Variants in EPHB1 observed in about 807,000 individuals in gnomAD.
EPHB1 encodes ephrin type-B receptor 1.
A neutral mutation model predicts 94.4 loss-of-function variants in EPHB1; 30 were observed. The ratio of observed to expected loss-of-function variants is 0.32; its 90% CI spans 0.24 to 0.43. The LOEUF is 0.43. EPHB1 is among the 20% of genes least tolerant of loss of function. EPHB1 has a pLI of 1.00. For missense variants in EPHB1, 1,055 were observed against 1,308.3 expected, an observed-to-expected ratio of 0.81 and a Z score of 2.99; for synonymous variants, 522 against 489.1, an observed-to-expected ratio of 1.07 and a Z score of -0.89.
At chr3:135,202,090 G>T (rs1317475919) in intron 12 of EPHB1, among the ~76,000 whole-genome samples, 2 of 152,130 alleles carry the variant, frequency 1.3e-5, no homozygotes, top group East Asian at 3.9e-4. Context: ...TCACTAGGTA[G>T]ACTCTTGATC....
At chr3:135,039,681 C>G (rs759972452) in intron 3 of EPHB1, among the ~76,000 whole-genome samples, 117 of 152,232 alleles carry the variant, frequency 7.7e-4, no homozygotes, top group African/African-American at 2.7e-3. Flanking sequence ...GCTGCTAAGT[C>G]CCCCCTTGCT....
chr3:135,027,541 A>T (rs1488155819), intron 3 of EPHB1, among the ~76,000 whole-genome samples: 4 of 149,982 alleles, frequency 2.7e-5, no homozygotes, highest in African/African-American at 9.8e-5. Context: ...ATATTGAACC[A>T]GCCTTGCATC....
intron 3 of EPHB1, among the ~76,000 whole-genome samples, chr3:135,090,254 G>A (rs916390011): frequency 6.6e-6 from 1 of 152,198 alleles, no homozygotes; most frequent in African/African-American, 2.4e-5. Context: ...CAAAAGGAGG[G>A]TGTCCTCCCT....
intron 6 of EPHB1, among the ~76,000 whole-genome samples, chr3:135,157,144 C>T (rs985572450): frequency 6.6e-6 from 1 of 152,188 alleles, no homozygotes; most frequent in Non-Finnish European, 1.5e-5. Context: ...AAACCTTGTC[C>T]AGAGTCCCAC....
At chr3:134,908,514 C>T (rs1456636201) in intron 1 of EPHB1, among the ~76,000 whole-genome samples, 1 of 152,218 alleles carries the variant, frequency 6.6e-6, no homozygotes, top group Non-Finnish European at 1.5e-5. Flanking sequence ...TTTGTGAGTT[C>T]CCAAGTGAAC....
intron 1 of EPHB1, among the ~76,000 whole-genome samples, chr3:134,813,461 GA>G (rs1398239129): frequency 6.6e-6 from 1 of 152,162 alleles, no homozygotes; most frequent in East Asian, 1.9e-4. Flanking sequence ...TTCTTTTAGA[GA>G]AGAAAAGTAT....
intron 1 of EPHB1, among the ~76,000 whole-genome samples, chr3:134,855,599 C>G (rs1312240136): frequency 6.6e-6 from 1 of 152,200 alleles, no homozygotes; most frequent in Non-Finnish European, 1.5e-5. Context: ...CTGGTGCAGA[C>G]TGAGCCATAA....
chr3:135,231,306 G>C (rs899369337), intron 12 of EPHB1, among the ~76,000 whole-genome samples: 3 of 152,188 alleles, frequency 2.0e-5, no homozygotes, highest in African/African-American at 7.2e-5. Flanking sequence ...GGTGTGGATA[G>C]TAAAAGAGAG....
intron 11 of EPHB1, among the ~76,000 whole-genome samples, chr3:135,197,087 G>A (rs534629484): frequency 7.1e-4 from 104 of 146,036 alleles, no homozygotes; most frequent in East Asian, 3.6e-3. Context: ...GCGAGACCCC[G>A]TTCTCCAGAA....
At chr3:134,993,416 A>G (rs184215297) in intron 3 of EPHB1, among the ~76,000 whole-genome samples, 131 of 152,380 alleles carry the variant, frequency 8.6e-4, no homozygotes, top group Non-Finnish European at 1.5e-3. Flanking sequence ...GGACAACTTT[A>G]TGATCCAGAA....
chr3:135,203,463 G>A (rs1317350751), intron 12 of EPHB1, among the ~76,000 whole-genome samples: 1 of 152,122 alleles, frequency 6.6e-6, no homozygotes, highest in Non-Finnish European at 1.5e-5. Flanking sequence ...GGCAGGGATT[G>A]GTAAACTTTT....
At position 135,192,634 on chromosome 3, in the gene EPHB1, C is replaced by T. The variant is rs750145703; in HGVS notation, c.1941C>T (p.Tyr647=). The T allele has an allele frequency of 7.4e-5, 120 of 1,613,902 alleles. No homozygotes were observed. Among genetic ancestry groups the T allele is most frequent in the Non-Finnish European group, 8.9e-5 (105 of 1,179,992 alleles). ...AACTGCCAGGCAAGAGGGAAATCTACGTGGCCATCAAGACCCTGAAGGCAG... is the reference window on the plus strand; with the variant it reads ...AACTGCCAGGCAAGAGGGAAATCTATGTGGCCATCAAGACCCTGAAGGCAG... The part of the protein sequence containing the change: ...RLKLPGKREI[Y]VAIKTLKAGY... Residue 647 remains tyrosine (Y), a synonymous_variant, in exon 11 of 16, where the codon TAC becomes TAT. Coordinates refer to ENST00000398015, the MANE Select transcript of EPHB1 (RefSeq NM_004441.5).
At chr3:134,854,210 A>C (rs1206576241) in intron 1 of EPHB1, among the ~76,000 whole-genome samples, 1 of 152,140 alleles carries the variant, frequency 6.6e-6, no homozygotes, top group Non-Finnish European at 1.5e-5. Flanking sequence ...TGCTGCATGA[A>C]TATGTGTGGA....
chr3:134,883,536 C>A (rs1404988404), intron 1 of EPHB1, among the ~76,000 whole-genome samples: 1 of 152,192 alleles, frequency 6.6e-6, no homozygotes, highest in African/African-American at 2.4e-5. Flanking sequence ...TCTAAGAATG[C>A]AAGCCTGACC....
chr3:134,836,537 A>G (rs937788808), intron 1 of EPHB1, among the ~76,000 whole-genome samples: 1 of 152,228 alleles, frequency 6.6e-6, no homozygotes, highest in Non-Finnish European at 1.5e-5. Context: ...TGAAGTTTTA[A>G]AAACTACACT....
At chr3:135,111,074 G>A (rs917512679) in intron 4 of EPHB1, among the ~76,000 whole-genome samples, 39 of 152,302 alleles carry the variant, frequency 2.6e-4, no homozygotes, top group African/African-American at 8.9e-4. Context: ...CTGCAGCCAG[G>A]TTTGGTGGCC....
intron 1 of EPHB1, 74 bp downstream of exon 1, chr3:134,795,763 G>T: frequency 1.3e-6 from 2 of 1,517,046 alleles, no homozygotes; most frequent in South Asian, 1.1e-5. Flanking sequence ...CGCGGTTCGC[G>T]GGGTTCCTCT....
intron 3 of EPHB1, among the ~76,000 whole-genome samples, chr3:135,049,404 G>A (rs1407971120): frequency 6.6e-6 from 1 of 152,174 alleles, no homozygotes; most frequent in East Asian, 1.9e-4. Flanking sequence ...CGTCACAAAG[G>A]CTTCTTCACT....
intron 15 of EPHB1, among the ~76,000 whole-genome samples, chr3:135,258,105 C>T (rs1251541808): frequency 6.6e-6 from 1 of 152,190 alleles, no homozygotes; most frequent in Admixed American, 6.5e-5. Context: ...CACCCACTGT[C>T]TGGCACTCCC....
Sources: allele counts gnomAD v4.1 joint callset (sites outside exome capture counted in the v4.1 genomes callset), GRCh38; gene constraint gnomAD v4.1.1; transcripts MANE v1.5; gene names NCBI Gene and HGNC (gene_info 2026-07-23, HGNC 2026-07-21).